Variants in IFRD1 observed in about 807,000 individuals in gnomAD.
The protein encoded by IFRD1 is interferon-related developmental regulator 1.
A neutral mutation model predicts 52.9 loss-of-function variants in IFRD1; 35 were observed. The observed-to-expected ratio is 0.66, with a 90% CI of 0.51 to 0.88. The LOEUF is 0.88. Among genes scored for constraint, IFRD1 ranks in the 40% least tolerant of loss-of-function variants. The pLI is 0.00. For missense variants in IFRD1, 517 were observed against 550.8 expected (o/e 0.94, Z 0.61); for synonymous variants, 184 against 188.4 (o/e 0.98, Z 0.19).
upstream of IFRD1, chr7:112,450,440 G>A (rs1795123157): frequency 3.7e-6 from 2 of 546,808 alleles, no homozygotes; most frequent in Non-Finnish European, 6.6e-6. Flanking sequence ...TACTTAAGGC[G>A]TCGTGGCCTC....
intron 11 of IFRD1, among the ~76,000 whole-genome samples, 193 bp downstream of exon 11, chr7:112,473,054 GTGTGTGTGTGTGTATA>G (rs918755195): frequency 1.3e-4 from 8 of 61,636 alleles, no homozygotes; most frequent in South Asian, 4.3e-4. Context: ...GTGTGTGTGT[GTGTGTGTGTGTGTATA>G]TATGTGTCAG....
intron 1 of IFRD1, among the ~76,000 whole-genome samples, chr7:112,425,597 T>A (rs1056528295): frequency 1.3e-5 from 2 of 152,192 alleles, no homozygotes; most frequent in African/African-American, 4.8e-5. Flanking sequence ...TTGGCTTCCC[T>A]GGTTTTGAGG....
chr7:112,472,329 G>A lies in IFRD1; in HGVS notation c.1152G>A (p.Gly384=), dbSNP rs1215631798. Residue 384 remains glycine (G), a synonymous_variant, in exon 10 of 12, where the codon GGG becomes GGA. Coordinates refer to ENST00000403825, the MANE Select transcript of IFRD1 (RefSeq NM_001550.4). ...CCTTTAAGGAGGTTCTTGGATCAGGGATGCAGTACCACTTGCAGGTAAGTG... is the reference window on the plus strand; with the variant it reads ...CCTTTAAGGAGGTTCTTGGATCAGGAATGCAGTACCACTTGCAGGTAAGTG... ...YDTFKEVLGS[G]MQYHLQSNEF... 1.2e-6 allele frequency: 2 copies of A among 1,613,990 alleles called. No individual in the cohort carries two copies. The highest frequency in any genetic ancestry group is 2.2e-5 in the East Asian group (1 of 44,850).
At chr7:112,434,694 TAACTTTC>T (rs1278909611) in intron 1 of IFRD1, among the ~76,000 whole-genome samples, 7 of 152,220 alleles carry the variant, frequency 4.6e-5, no homozygotes, top group African/African-American at 1.7e-4. Context: ...TAAATAACTT[TAACTTTC>T]AACTACACAA....
At chr7:112,464,106 C>CA (rs1795548427) in intron 8 of IFRD1, among the ~76,000 whole-genome samples, 1 of 142,200 alleles carries the variant, frequency 7.0e-6, no homozygotes, top group Non-Finnish European at 1.5e-5. Flanking sequence ...ATAGGGTGTT[C>CA]AAAAATTAAA....
At chr7:112,427,837 C>T (rs1360341502) in intron 1 of IFRD1, among the ~76,000 whole-genome samples, 1 of 152,190 alleles carries the variant, frequency 6.6e-6, no homozygotes, top group African/African-American at 2.4e-5. Flanking sequence ...TAAAAAAATG[C>T]ATCAGATGTG....
chr7:112,432,902 TTTGAAAACAGA>T (rs1158448883), intron 1 of IFRD1, among the ~76,000 whole-genome samples: 1 of 152,232 alleles, frequency 6.6e-6, no homozygotes, highest in Admixed American at 6.5e-5. Context: ...CTAAGGAGTC[TTTGAAAACAGA>T]GTGAAAACAC....
chr7:112,454,770 A>G (rs954468319), intron 1 of IFRD1, among the ~76,000 whole-genome samples: 11 of 151,100 alleles, frequency 7.3e-5, no homozygotes, highest in South Asian at 2.1e-4. Flanking sequence ...ATGATTATCT[A>G]TGATACAACA....
At chr7:112,468,242 A>G (rs945623724) in intron 9 of IFRD1, 127 bp downstream of exon 9, 6 of 1,049,804 alleles carry the variant, frequency 5.7e-6, no homozygotes, top group Non-Finnish European at 8.7e-6. Flanking sequence ...TTTACGACCT[A>G]GCAGGTTTTT....
At chr7:112,462,961 G>A (rs1204044409) in intron 8 of IFRD1, among the ~76,000 whole-genome samples, 1 of 152,134 alleles carries the variant, frequency 6.6e-6, no homozygotes, top group African/African-American at 2.4e-5. Flanking sequence ...AATTTGCTTT[G>A]TACCTGTTTT....
At chr7:112,436,219 A>AT (rs369754715) in intron 1 of IFRD1, among the ~76,000 whole-genome samples, 1 of 152,320 alleles carries the variant, frequency 6.6e-6, no homozygotes, top group African/African-American at 2.4e-5. Context: ...ATTTCAAATA[A>AT]TGTTGACTGA....
At chr7:112,451,362 G>GT (rs1795159695) in intron 1 of IFRD1, among the ~76,000 whole-genome samples, 1 of 152,194 alleles carries the variant, frequency 6.6e-6, no homozygotes, top group Non-Finnish European at 1.5e-5. Context: ...GAGGCGGGGG[G>GT]ACCACTTTCT....
intron 1 of IFRD1, among the ~76,000 whole-genome samples, chr7:112,433,891 G>A (rs1794604243): frequency 6.6e-6 from 1 of 152,170 alleles, no homozygotes; most frequent in Non-Finnish European, 1.5e-5. Context: ...CGTGATCTTG[G>A]CTCACTGCAA....
At chr7:112,463,895 C>CACACACACA (rs1491384023) in intron 8 of IFRD1, among the ~76,000 whole-genome samples, 3 of 9,364 alleles carry the variant, frequency 3.2e-4, no homozygotes, top group African/African-American at 1.9e-3. Flanking sequence ...CACACACACA[C>CACACACACA]CCCACGTATC....
At chr7:112,473,029 C>CGTGTGTGTGTGT (rs74273594) in intron 11 of IFRD1, among the ~76,000 whole-genome samples, 168 bp downstream of exon 11, 20 of 115,254 alleles carry the variant, frequency 1.7e-4, no homozygotes, top group African/African-American at 6.3e-4. Flanking sequence ...GTGTGGGGGG[C>CGTGTGTGTGTGT]GTGTGTGTGT....
intron 1 of IFRD1, among the ~76,000 whole-genome samples, chr7:112,443,798 G>A (rs571039947): frequency 3.3e-5 from 5 of 149,862 alleles, no homozygotes; most frequent in African/African-American, 1.2e-4. Flanking sequence ...GGAGGTGGAG[G>A]TTGCAGTGAA....
Position 112,464,953 on chromosome 7 carries a change from C to T in IFRD1, c.906+2575C>T, listed in dbSNP as rs533868442. Among the ~76,000 whole-genome samples the T allele has an allele frequency of 3.9e-4, 59 of 151,954 alleles. 1 individual carries two copies. In the South Asian group the frequency reaches 8.5e-3, roughly 22 times the overall value. On this transcript the variant is annotated intron_variant, in intron 8 of 11. Transcript: ENST00000403825. ...CTTAGCATTCTTCTTGTTTTTTTGCCCTTGTTTGTATAATAACTGACTCTG... is the reference window on the plus strand; with the variant it reads ...CTTAGCATTCTTCTTGTTTTTTTGCTCTTGTTTGTATAATAACTGACTCTG...
In IFRD1 at chr7:112,431,326, A is replaced by G. The variant is rs1172766902; in HGVS notation, c.-182+7894A>G. On this transcript the variant is annotated intron_variant, in intron 1 of 12. Coordinates refer to the IFRD1 transcript ENST00000005558. The stretch of plus-strand genomic sequence containing the variant: ...ATATAAATATGTGGTAACAAAATTC[A>G]AATTTGATAATTCAGCATAACAGTT... 5.9e-5 allele frequency among the ~76,000 whole-genome samples: 9 copies of G among 152,202 alleles called. 1 individual carries two copies. The highest frequency in any genetic ancestry group is 5.9e-4 in the Admixed American group (9 of 15,284).
At chr7:112,472,898 G>A (rs1441500105) in intron 11 of IFRD1, 37 bp downstream of exon 11, 4 of 1,419,530 alleles carry the variant, frequency 2.8e-6, no homozygotes, top group East Asian at 2.3e-5. Flanking sequence ...AACTAAGTGC[G>A]CCAAAGCTTT....
Sources: gnomAD v4.1 joint callset for allele counts (sites outside exome capture counted in the v4.1 genomes callset) on GRCh38, gnomAD v4.1.1 for gene constraint, MANE v1.5 for transcripts, NCBI Gene and HGNC (gene_info 2026-07-23, HGNC 2026-07-21) for gene names.